Variants in ITIH1 observed in about 807,000 individuals in gnomAD.
ITIH1 encodes inter-alpha-trypsin inhibitor heavy chain 1.
Under a neutral mutation model 104.6 loss-of-function variants are expected in ITIH1, and 94 were observed. The ratio of observed to expected loss-of-function variants is 0.90; its 90% CI spans 0.76 to 1.07. ITIH1 has a LOEUF of 1.07. Among genes scored for constraint, ITIH1 ranks in the 50% least tolerant of loss-of-function variants. The pLI, the probability that ITIH1 is intolerant of heterozygous loss-of-function variation, is 0.00. For missense variants in ITIH1, 1,193 were observed against 1,181.4 expected (o/e 1.01, Z -0.14); for synonymous variants, 455 against 464.4 (o/e 0.98, Z 0.26).
chr3:52,790,279 C>G, intron 19 of ITIH1: 2 of 271,292 alleles, frequency 7.4e-6, no homozygotes, highest in Non-Finnish European at 7.1e-6. Context: ...TTCATTCATT[C>G]ATTCATTCAT....
chr3:52,783,373 G>C, intron 10 of ITIH1, 34 bp downstream of exon 10: 2 of 1,606,074 alleles, frequency 1.2e-6, no homozygotes, highest in Non-Finnish European at 1.7e-6. Flanking sequence ...GGGAGGTAGT[G>C]ATCTCCTTGT....
chr3:52,783,435 C>A, intron 10 of ITIH1, 96 bp downstream of exon 10: 3 of 1,393,836 alleles, frequency 2.2e-6, no homozygotes, highest in Non-Finnish European at 3.0e-6. Flanking sequence ...GAGATGCCAT[C>A]AGGGGGCAGA....
Position 52,782,065 on chromosome 3 carries a change from G to C in ITIH1, c.813G>C (p.Leu271=). ...GTCGAGACAAGATCTGCGACCTCCT[G>C]GTGAGCCCTGAGCTTCTGGCTCAGC... ...DVSRDKICDL[L]VANNHFAHFF... is the part of the protein sequence containing the mutation. The change falls in exon 7 of 22, where the codon CTG becomes CTC. Residue 271 remains leucine (L), a splice_region_variant and synonymous_variant. Transcript: ENST00000273283. The C allele has an allele frequency of 6.2e-7, 1 of 1,614,166 alleles. No individual in the cohort carries two copies. Among genetic ancestry groups the C allele is most frequent in the Non-Finnish European group, 8.5e-7 (1 of 1,180,040 alleles).
intron 11 of ITIH1, among the ~76,000 whole-genome samples, 167 bp from the exon 12 acceptor site, chr3:52,784,877 A>G (rs1272925758): frequency 2.0e-5 from 1 of 51,042 alleles, no homozygotes; most frequent in Non-Finnish European, 4.1e-5. Context: ...TCTGTCTCAG[A>G]AAAAAAAAAA....
At chr3:52,784,838 G>T (rs989940788) in intron 11 of ITIH1, among the ~76,000 whole-genome samples, 6 of 149,564 alleles carry the variant, frequency 4.0e-5, no homozygotes, top group Non-Finnish European at 5.9e-5. Flanking sequence ...TTGTGCCACT[G>T]CACTCCAGCC....
intron 15 of ITIH1, 125 bp downstream of exon 15, chr3:52,787,327 TC>T: frequency 7.2e-7 from 1 of 1,379,844 alleles, no homozygotes; most frequent in East Asian, 2.3e-5. Flanking sequence ...TTCCCGTTCT[TC>T]CGTCCCCTGA....
At position 52,792,056 on chromosome 3, in the gene ITIH1, G is replaced by A. The variant is rs142592670; in HGVS notation, c.*145G>A. Reference sequence around the variant, plus strand: ...TCATGCCTTCCATTAAAGAGAGGCCGTGTCCACCCTGAGCTGGCTGATTTT... The same window carrying A: ...TCATGCCTTCCATTAAAGAGAGGCCATGTCCACCCTGAGCTGGCTGATTTT... On this transcript the variant is annotated 3_prime_UTR_variant, in exon 22 of 22. Coordinates refer to ENST00000273283, the MANE Select transcript of ITIH1 (RefSeq NM_002215.4). The A allele has an allele frequency of 2.5e-4, 238 of 934,550 alleles. 1 individual carries two copies. The African/African-American group carries it at 3.1e-3, about 12-fold the overall frequency. The allele number at this position is 934,550 out of a possible 1,614,324, so 57.9% of individuals were successfully genotyped here. A position where few individuals can be genotyped will look rare whatever the true frequency, so the allele number is the denominator to read the frequency against.
chr3:52,779,145 A>G lies in ITIH1; in HGVS notation c.410+99A>G. ...TGGCTTTAGTGGAGAACAGCCCAGG[A>G]TGATGGAAGGGTAAGCAAACTGCCC... On this transcript the variant is annotated intron_variant, in intron 4 of 21. Transcript: ENST00000273283. This position sits in a 1 kb window ranked among gnomAD's most constrained non-coding sequence, Gnocchi z 4.4. 3.4e-6 allele frequency: 3 copies of G among 894,596 alleles called. No homozygotes were observed. The South Asian group carries it at 4.1e-5, about 12-fold the overall frequency. 55.4% of individuals were successfully genotyped at this position (894,596 alleles called of 1,614,324 possible). A position where few individuals can be genotyped will look rare whatever the true frequency, so the allele number is the denominator to read the frequency against.
chr3:52,778,516 T>C lies in ITIH1; in HGVS notation c.305+10T>C, dbSNP rs1698960188. ...TCAGTGACTTTGCCGTGTGCGTGCCTGCCCAACTCCCATGCCTTCTCCCAG... is the reference window on the plus strand; with the variant it reads ...TCAGTGACTTTGCCGTGTGCGTGCCCGCCCAACTCCCATGCCTTCTCCCAG... On this transcript the variant is annotated intron_variant, in intron 3 of 21. Coordinates refer to ENST00000273283, the MANE Select transcript of ITIH1 (RefSeq NM_002215.4). 1.9e-6 allele frequency: 3 copies of C among 1,613,954 alleles called. No individual in the cohort carries two copies. The highest frequency in any genetic ancestry group is 1.1e-5 in the South Asian group (1 of 91,086).
In ITIH1 at chr3:52,790,913, GGCT is replaced by G; in HGVS notation, c.2491_2493del (p.Leu831del). On this transcript the variant is annotated inframe_deletion, in exon 20 of 22. Coordinates refer to ENST00000273283, the MANE Select transcript of ITIH1 (RefSeq NM_002215.4). ...CATCGGATGTCAGCCCGGACGCACGGGCTGCTGGGTACGGCTGGCCAGGCTGGC... is the reference window on the plus strand; with the variant it reads ...CATCGGATGTCAGCCCGGACGCACGGGCTGGGTACGGCTGGCCAGGCTGGC... 2 of 1,602,710 alleles carry G rather than the reference GGCT, an allele frequency of 1.2e-6. No individual in the cohort carries two copies. Among genetic ancestry groups the G allele is most frequent in the Non-Finnish European group, 1.7e-6 (2 of 1,175,982 alleles).
Position 52,785,175 on chromosome 3 carries a change from G to A in ITIH1, c.1539G>A (p.Gly513=). Residue 513 remains glycine, a synonymous_variant, in exon 12 of 22, where the codon GGG becomes GGA. Transcript: ENST00000273283. ...YYEGSEIVVA[G]RIADNKQSSF... is the part of the protein sequence containing the mutation. ...AAGGCTCAGAGATTGTGGTGGCCGGGCGCATTGCTGACAACAAACAGAGCA... is the reference window on the plus strand; with the variant it reads ...AAGGCTCAGAGATTGTGGTGGCCGGACGCATTGCTGACAACAAACAGAGCA... 6.2e-7 allele frequency: 1 copy of A among 1,614,144 alleles called. No homozygotes were observed. Among genetic ancestry groups the A allele is most frequent in the African/African-American group, 1.3e-5 (1 of 75,034 alleles).
chr3:52,783,347 C>A lies in ITIH1; in HGVS notation c.1225+8C>A, dbSNP rs1400120822. 6.2e-7 allele frequency: 1 copy of A among 1,613,370 alleles called. No homozygotes were observed. On this transcript the variant is annotated splice_region_variant and intron_variant, in intron 10 of 21. Coordinates refer to ENST00000273283, the MANE Select transcript of ITIH1 (RefSeq NM_002215.4). The stretch of plus-strand genomic sequence containing the variant: ...ATGGCGATCCCACAGAGGGTAAGCA[C>A]CTTGGGGGCTGCCTTGGGAGGTAGT...
rs1699032198 is a variant in ITIH1 at position 52,781,207 on chromosome 3, TTTTCTTCTTCTTCTTCTTC to T, written c.688-730_688-712del. ...TCACCTCCTCCTCTTCTTTTTTTTTTTTTCTTCTTCTTCTTCTTCTTCTTCTTCTTCTTCTTCTTCTTCT... is the reference window on the plus strand; with the variant it reads ...TCACCTCCTCCTCTTCTTTTTTTTTTTTCTTCTTCTTCTTCTTCTTCTTCT... On this transcript the variant is annotated intron_variant, in intron 6 of 21. Coordinates refer to ENST00000273283, the MANE Select transcript of ITIH1 (RefSeq NM_002215.4). 3.0e-3 allele frequency among the ~76,000 whole-genome samples: 198 copies of T among 65,886 alleles called. 15 individuals carry two copies. Among genetic ancestry groups the T allele is most frequent in the Middle Eastern group, 0.021 (3 of 140 alleles). The allele number at this position is 65,886 out of a possible 152,430, so 43.2% of individuals were successfully genotyped here. A position where few individuals can be genotyped will look rare whatever the true frequency, so the allele number is the denominator to read the frequency against.
Position 52,785,180 on chromosome 3 carries a change from T to G in ITIH1, c.1544T>G (p.Ile515Ser). The change falls in exon 12 of 22, where the codon ATT becomes AGT. Residue 515 changes from isoleucine (I) to serine (S), a missense_variant. Transcript: ENST00000273283. ...EGSEIVVAGRIADNKQSSFKA... is the reference protein window; with the variant it reads ...EGSEIVVAGRSADNKQSSFKA... ...TCAGAGATTGTGGTGGCCGGGCGCATTGCTGACAACAAACAGAGCAGCTTC... is the reference window on the plus strand; with the variant it reads ...TCAGAGATTGTGGTGGCCGGGCGCAGTGCTGACAACAAACAGAGCAGCTTC... 6.2e-7 allele frequency: 1 copy of G among 1,614,120 alleles called. No individual in the cohort carries two copies. The highest frequency in any genetic ancestry group is 8.5e-7 in the Non-Finnish European group (1 of 1,180,010).
chr3:52,781,295 C>T (rs1699051683), intron 6 of ITIH1, among the ~76,000 whole-genome samples: 2 of 120,136 alleles, frequency 1.7e-5, no homozygotes, highest in African/African-American at 2.9e-5. Context: ...TCCTCTTCTT[C>T]TTCTTCTGCT....
At chr3:52,786,109 C>T (rs532286974) in intron 12 of ITIH1, among the ~76,000 whole-genome samples, 186 bp from the exon 13 acceptor site, 1 of 152,310 alleles carries the variant, frequency 6.6e-6, no homozygotes, top group East Asian at 1.9e-4. Flanking sequence ...CCAGGCCAAG[C>T]CTGGCTTGCA....
Position 52,781,976 on chromosome 3 carries a change from C to G in ITIH1, c.724C>G (p.Gln242Glu), listed in dbSNP as rs748639928. The G allele has an allele frequency of 1.2e-6, 2 of 1,614,222 alleles. No individual in the cohort carries two copies. Among genetic ancestry groups the G allele is most frequent in the Non-Finnish European group, 1.7e-6 (2 of 1,180,042 alleles). ...GTTCCGTCCCACCGTGAGCCAGCAG[C>G]AGTCCTGCCCCACATGCTCTACATC... ...VLFRPTVSQQQSCPTCSTSLL... is the reference protein window; with the variant it reads ...VLFRPTVSQQESCPTCSTSLL... The change falls in exon 7 of 22, where the codon CAG becomes GAG. Residue 242 changes from glutamine (Q) to glutamate (E), a missense_variant. By Grantham distance (29) the Gln-to-Glu change is conservative. Coordinates refer to ENST00000273283, the MANE Select transcript of ITIH1 (RefSeq NM_002215.4).
At chr3:52,780,669 T>G (rs1353921217) in intron 6 of ITIH1, among the ~76,000 whole-genome samples, 1 of 152,190 alleles carries the variant, frequency 6.6e-6, no homozygotes, top group Non-Finnish European at 1.5e-5. Flanking sequence ...TGCTTGAGCC[T>G]CAGTGCCCTC....
In ITIH1 at chr3:52,791,602, G is replaced by A; in HGVS notation, c.2580G>A (p.Val860=). The change falls in exon 21 of 22, where the codon GTG becomes GTA. Residue 860 remains valine (V), a synonymous_variant. Coordinates refer to ENST00000273283, the MANE Select transcript of ITIH1 (RefSeq NM_002215.4). ...CAAAGCCAGATGCCACGATGGTGGT[G>A]AGGAACCGCCGGCTCACGGTCACCA... is the stretch of plus-strand genomic sequence containing the variant. The part of the protein sequence containing the change: ...DPTKPDATMV[V]RNRRLTVTRG... 1 of 1,614,066 alleles carries A rather than the reference G, an allele frequency of 6.2e-7. No homozygotes were observed. The highest frequency in any genetic ancestry group is 1.7e-4 in the Middle Eastern group (1 of 6,060).
Sources: gnomAD v4.1 joint callset for allele counts (sites outside exome capture counted in the v4.1 genomes callset) on GRCh38, gnomAD v4.1.1 for gene constraint, Gnocchi (gnomAD v3.1) non-coding constraint, MANE v1.5 for transcripts, NCBI Gene and HGNC (gene_info 2026-07-23, HGNC 2026-07-21) for gene names.